RRM1: variants seen among roughly 807,000 people sequenced by gnomAD.
RRM1 encodes ribonucleoside-diphosphate reductase large subunit.
A neutral mutation model predicts 101.5 loss-of-function variants in RRM1; 19 were observed. The ratio of observed to expected loss-of-function variants is 0.19; its 90% CI spans 0.13 to 0.27. The LOEUF is 0.27. RRM1 is among the 10% of genes least tolerant of loss of function. The probability of loss-of-function intolerance (pLI) is 1.00; values close to 1 mark genes in which losing one functional copy is unlikely to be tolerated. For synonymous variants in RRM1, 298 were observed against 323.4 expected (o/e 0.92, Z 0.84); for missense variants, 500 against 962.9 (o/e 0.52, Z 6.36).
chr11:4,111,069 C>T (rs984277845), intron 5 of RRM1, among the ~76,000 whole-genome samples: 8 of 151,892 alleles, frequency 5.3e-5, no homozygotes, highest in South Asian at 2.1e-4. Flanking sequence ...CAGTCTCTGC[C>T]GAAACAAAAG....
intron 8 of RRM1, chr11:4,119,588 C>T (rs925519834): frequency 3.2e-5 from 13 of 403,924 alleles, no homozygotes; most frequent in East Asian, 2.1e-4. Context: ...TTTTGGATCC[C>T]TTTGGCCTGT....
intron 17 of RRM1, among the ~76,000 whole-genome samples, chr11:4,133,980 ATTTTTTTTTTTT>A (rs34715101): frequency 2.2e-5 from 2 of 90,864 alleles, no homozygotes; most frequent in Non-Finnish European, 4.0e-5. Context: ...CCAGACATCA[ATTTTTTTTTTTT>A]TTTTTTTTTT....
chr11:4,099,087 G>A (rs1030195988), intron 1 of RRM1, among the ~76,000 whole-genome samples: 1 of 152,108 alleles, frequency 6.6e-6, no homozygotes, highest in Non-Finnish European at 1.5e-5. Context: ...AGAGAAGAAT[G>A]AAAGACAGTT....
intron 7 of RRM1, among the ~76,000 whole-genome samples, chr11:4,118,099 C>T (rs2094576252): frequency 6.6e-6 from 1 of 152,094 alleles, no homozygotes; most frequent in Admixed American, 6.6e-5. Flanking sequence ...TATTTACTTA[C>T]TATCTAGGGG....
At chr11:4,121,270 T>A (rs2094581435) in intron 9 of RRM1, among the ~76,000 whole-genome samples, 1 of 152,172 alleles carries the variant, frequency 6.6e-6, no homozygotes, top group Non-Finnish European at 1.5e-5. Context: ...TCAAAGCAAC[T>A]TCCTTTGGGC....
At chr11:4,105,147 A>G (rs543018545) in intron 2 of RRM1, among the ~76,000 whole-genome samples, 148 of 152,270 alleles carry the variant, frequency 9.7e-4, no homozygotes, top group Admixed American at 2.7e-3. Flanking sequence ...ATTTTCTGAT[A>G]GTTCTGCTGG....
At chr11:4,106,310 C>A in intron 3 of RRM1, 87 bp downstream of exon 3, 1 of 1,182,068 alleles carries the variant, frequency 8.5e-7, no homozygotes, top group Non-Finnish European at 1.2e-6. Flanking sequence ...TTTAAAGAAG[C>A]AAATATGGCT....
chr11:4,114,825 G>A (rs1303335962), intron 7 of RRM1, among the ~76,000 whole-genome samples: 1 of 151,974 alleles, frequency 6.6e-6, no homozygotes, highest in Non-Finnish European at 1.5e-5. Context: ...TGATTCTCCT[G>A]CCTCAGCTTT....
chr11:4,121,865 TGA>T, intron 10 of RRM1, 100 bp downstream of exon 10: 1 of 1,133,462 alleles, frequency 8.8e-7, no homozygotes, highest in Non-Finnish European at 1.3e-6. Flanking sequence ...CATATGTGTG[TGA>T]TGCCACAGAA....
At chr11:4,101,945 A>C (rs768428107) in intron 1 of RRM1, 48 bp from the exon 2 acceptor site, 2 of 968,588 alleles carry the variant, frequency 2.1e-6, no homozygotes, top group African/African-American at 3.2e-5. Flanking sequence ...TAGTCTTAAT[A>C]ATTGCTAACA....
Position 4,126,782 on chromosome 11 carries a change from T to C in RRM1, c.1419T>C (p.Val473=). ...FKKLAEVTKV[V]VRNLNKIIDI... ...AGTTGGCTGAAGTCACTAAAGTCGT[T>C]GTCCGAAACTTGAATAAAATTATTG... Residue 473 remains valine (V), a synonymous_variant, in exon 13 of 19, where the codon GTT becomes GTC. Transcript: ENST00000300738. 6.2e-7 allele frequency: 1 copy of C among 1,613,646 alleles called. No homozygotes were observed. The highest frequency in any genetic ancestry group is 8.5e-7 in the Non-Finnish European group (1 of 1,179,628).
chr11:4,100,125 C>T (rs1419879371), intron 1 of RRM1, among the ~76,000 whole-genome samples: 1 of 152,150 alleles, frequency 6.6e-6, no homozygotes, highest in Non-Finnish European at 1.5e-5. Flanking sequence ...CAATGGTGAT[C>T]AGAAAGAGAG....
intron 1 of RRM1, among the ~76,000 whole-genome samples, chr11:4,096,667 T>TA (rs1423657345): frequency 3.9e-5 from 6 of 152,096 alleles, no homozygotes; most frequent in Non-Finnish European, 7.4e-5. Flanking sequence ...TTTACATTAT[T>TA]ATTTATTTGT....
chr11:4,111,319 G>A (rs766102086), intron 5 of RRM1, among the ~76,000 whole-genome samples: 6 of 151,734 alleles, frequency 4.0e-5, no homozygotes, highest in African/African-American at 7.3e-5. Context: ...CCTGAGGCAG[G>A]AGAATGGCAT....
rs952650094 is a variant in RRM1, at chr11:4,133,719, C to T, written c.2001+61C>T. 8.8e-5 allele frequency: 82 copies of T among 931,312 alleles called. No homozygotes were observed. The African/African-American group carries it at 1.3e-3, about 15-fold the overall frequency. The allele number at this position is 931,312 out of a possible 1,614,324, so 57.7% of individuals were successfully genotyped here. A position where few individuals can be genotyped will look rare whatever the true frequency, so the allele number is the denominator to read the frequency against. ...TGAGTTGGACATTGTGGTACCTCCT[C>T]ACTCATGCTAGACAATGGAGAGAAT... On this transcript the variant is annotated intron_variant, in intron 17 of 18. Transcript: ENST00000300738.
At chr11:4,137,195 C>T (rs535647243) in intron 18 of RRM1, 12 of 255,990 alleles carry the variant, frequency 4.7e-5, no homozygotes, top group African/African-American at 2.1e-4. Flanking sequence ...GGCAACCATC[C>T]GATTTCTCAA....
intron 18 of RRM1, among the ~76,000 whole-genome samples, chr11:4,135,625 T>G (rs1414983733): frequency 2.6e-5 from 4 of 152,162 alleles, no homozygotes; most frequent in Non-Finnish European, 5.9e-5. Context: ...ACCTTATTGC[T>G]TCTAGGATCT....
In RRM1 at chr11:4,119,894, A is replaced by G; in HGVS notation, c.842A>G (p.Asn281Ser). ...GLVPMLRVYN[N>S]TARYVDQGGN... ...GTACCGATGCTGAGAGTATATAACA[A>G]CACAGCTCGATATGTGGATCAAGGT... The change falls in exon 9 of 19, where the codon AAC (asparagine) becomes AGC (serine). Residue 281 changes from asparagine (N) to serine (S), a missense_variant. Physicochemically the swap from Asn to Ser is conservative, Grantham distance 46. Coordinates refer to ENST00000300738, the MANE Select transcript of RRM1 (RefSeq NM_001033.5). 1 of 1,606,618 alleles carries G rather than the reference A, an allele frequency of 6.2e-7. No individual in the cohort carries two copies. Among genetic ancestry groups the G allele is most frequent in the Non-Finnish European group, 8.5e-7 (1 of 1,173,582 alleles).
chr11:4,138,404 A>C lies in RRM1; in HGVS notation c.*21A>C. 1 of 1,568,230 alleles carries C rather than the reference A, an allele frequency of 6.4e-7. No homozygotes were observed. The highest frequency in any genetic ancestry group is 8.6e-7 in the Non-Finnish European group (1 of 1,156,934). ...CCTGAGGAAAGACTTGGAAGAGACC[A>C]GCATGTCTTCAGTAGCCAAACTACT... is the stretch of plus-strand genomic sequence containing the variant. On this transcript the variant is annotated 3_prime_UTR_variant, in exon 19 of 19. Coordinates refer to ENST00000300738, the MANE Select transcript of RRM1 (RefSeq NM_001033.5).
Sources: gnomAD v4.1 joint callset for allele counts (sites outside exome capture counted in the v4.1 genomes callset) on GRCh38, gnomAD v4.1.1 for gene constraint, MANE v1.5 for transcripts, NCBI Gene and HGNC (gene_info 2026-07-23, HGNC 2026-07-21) for gene names.